The following LDLRAD4 variants were observed in gnomAD, a reference collection of about 807,000 sequenced individuals.
The protein encoded by LDLRAD4 is low-density lipoprotein receptor class A domain-containing protein 4.
LDLRAD4 carries 5 observed loss-of-function variants against 17.0 expected under a neutral mutation model. The ratio of observed to expected loss-of-function variants is 0.29; its 90% CI spans 0.15 to 0.62. LDLRAD4 has a LOEUF of 0.62. Among genes scored for constraint, LDLRAD4 ranks in the 20% least tolerant of loss-of-function variants. LDLRAD4 has a pLI of 0.84. For synonymous variants in LDLRAD4, 168 were observed against 171.8 expected, an observed-to-expected ratio of 0.98 and a Z score of 0.17; for missense variants, 340 against 424.7, an observed-to-expected ratio of 0.80 and a Z score of 1.75.
At chr18:13,617,545 A>G (rs74429440) in intron 3 of LDLRAD4, among the ~76,000 whole-genome samples, 2,417 of 152,376 alleles carry the variant, frequency 0.016, 40 homozygotes, top group African/African-American at 0.038. Flanking sequence ...ATAAAAGTTT[A>G]TAGCATCTAT....
At chr18:13,515,047 A>G (rs1835510896) in intron 3 of LDLRAD4, 1 of 152,176 alleles carries the variant, frequency 6.6e-6, no homozygotes, top group Non-Finnish European at 1.5e-5. Flanking sequence ...CTTTGTGGAC[A>G]TTTTGCTATA....
intron 3 of LDLRAD4, among the ~76,000 whole-genome samples, chr18:13,544,821 G>A (rs1049161702): frequency 6.6e-6 from 1 of 151,048 alleles, no homozygotes; most frequent in Admixed American, 6.6e-5. Context: ...CTGCCGCCAG[G>A]AAAAAGGGTC....
intron 1 of LDLRAD4, among the ~76,000 whole-genome samples, chr18:13,249,563 C>T (rs1244434361): frequency 2.0e-5 from 3 of 151,328 alleles, no homozygotes; most frequent in Non-Finnish European, 2.9e-5. Context: ...GAGAAATGTC[C>T]GCACTCAAAT....
chr18:13,416,080 C>T lies in LDLRAD4; in HGVS notation c.41-22164C>T, dbSNP rs544576237. On this transcript the variant is annotated intron_variant, in intron 2 of 5. Coordinates refer to ENST00000359446, the Ensembl canonical transcript of LDLRAD4. ...CTGACCAGACCTTCCATGAAGAGAT[C>T]GGGCTGGCGGGGACACTGGAGTCCT... Among the ~76,000 whole-genome samples the T allele has an allele frequency of 3.3e-5, 5 of 152,320 alleles. No individual in the cohort carries two copies. The East Asian group carries it at 7.7e-4, about 24-fold the overall frequency.
At chr18:13,289,539 C>T (rs997316127) in intron 1 of LDLRAD4, among the ~76,000 whole-genome samples, 2 of 152,126 alleles carry the variant, frequency 1.3e-5, no homozygotes, top group Non-Finnish European at 2.9e-5. Flanking sequence ...ACAAAAACAC[C>T]GACTCCATCT....
chr18:13,244,495 A>G (rs535004248), intron 1 of LDLRAD4, among the ~76,000 whole-genome samples: 3 of 152,352 alleles, frequency 2.0e-5, no homozygotes, highest in African/African-American at 7.2e-5. Context: ...ACATAAATAT[A>G]AAATGTTAGG....
At chr18:13,297,432 A>C (rs933209172) in intron 1 of LDLRAD4, among the ~76,000 whole-genome samples, 4 of 152,106 alleles carry the variant, frequency 2.6e-5, no homozygotes, top group Admixed American at 2.6e-4. Context: ...CTGGAAGGGG[A>C]GCGCCTGTTC....
chr18:13,423,540 C>G (rs1020091004), intron 2 of LDLRAD4: 2 of 152,402 alleles, frequency 1.3e-5, no homozygotes, highest in Non-Finnish European at 2.9e-5. Flanking sequence ...ACATTTCTCA[C>G]TGTGCTGTGT....
At chr18:13,371,995 C>T (rs921582654) in intron 1 of LDLRAD4, among the ~76,000 whole-genome samples, 23 of 152,176 alleles carry the variant, frequency 1.5e-4, no homozygotes, top group African/African-American at 5.1e-4. Context: ...TGTCTAGAGA[C>T]ACTCAAGCCA....
chr18:13,491,819 T>C (rs1201543389), intron 3 of LDLRAD4, among the ~76,000 whole-genome samples: 1 of 152,042 alleles, frequency 6.6e-6, no homozygotes, highest in African/African-American at 2.4e-5. Context: ...CAGGTGACAG[T>C]GTTTGGGTCT....
At chr18:13,312,467 G>A (rs1393610947) in intron 1 of LDLRAD4, among the ~76,000 whole-genome samples, 2 of 152,078 alleles carry the variant, frequency 1.3e-5, no homozygotes, top group Non-Finnish European at 2.9e-5. Context: ...ACAAGTTGAG[G>A]GCCAGGCGCA....
chr18:13,417,610 T>G (rs1313228899), intron 2 of LDLRAD4, among the ~76,000 whole-genome samples: 2 of 152,026 alleles, frequency 1.3e-5, no homozygotes, highest in East Asian at 3.9e-4. Flanking sequence ...TTTTTTTGTA[T>G]TTTTTAGTAG....
At chr18:13,352,533 T>C (rs1386282386) in intron 1 of LDLRAD4, among the ~76,000 whole-genome samples, 1 of 152,230 alleles carries the variant, frequency 6.6e-6, no homozygotes, top group African/African-American at 2.4e-5. Flanking sequence ...AGATTCGGTC[T>C]TTTGACAGTT....
intron 3 of LDLRAD4, among the ~76,000 whole-genome samples, chr18:13,605,957 C>T (rs914483235): frequency 6.6e-6 from 1 of 152,122 alleles, no homozygotes; most frequent in African/African-American, 2.4e-5. Flanking sequence ...CAGGTCTGGG[C>T]GGGGCTCAAG....
chr18:13,510,541 C>T (rs557305673), intron 3 of LDLRAD4, among the ~76,000 whole-genome samples: 19 of 144,728 alleles, frequency 1.3e-4, no homozygotes, highest in African/African-American at 4.7e-4. Context: ...TGGGAGGGGG[C>T]GAGGGGTAAA....
intron 2 of LDLRAD4, among the ~76,000 whole-genome samples, chr18:13,418,330 G>A (rs576388110): frequency 6.6e-6 from 1 of 152,370 alleles, no homozygotes; most frequent in South Asian, 2.1e-4. Context: ...AGCCTCTCAT[G>A]GTTCCAGGGA....
intron 3 of LDLRAD4, chr18:13,620,910 C>T: frequency 1.5e-6 from 1 of 659,430 alleles, no homozygotes; most frequent in Non-Finnish European, 2.6e-6. Context: ...TTCCCGCTCC[C>T]CGCAGCTGGT....
exon 6 of LDLRAD4, chr18:13,648,653 A>G (rs974867408): frequency 8.5e-5 from 13 of 152,188 alleles, no homozygotes; most frequent in Admixed American, 1.3e-4. Flanking sequence ...TATAGAACCC[A>G]TGGGTCCAGT....
At chr18:13,455,082 G>A (rs1472428363) in intron 3 of LDLRAD4, among the ~76,000 whole-genome samples, 1 of 152,190 alleles carries the variant, frequency 6.6e-6, no homozygotes, top group Non-Finnish European at 1.5e-5. Flanking sequence ...ACCTGTATGT[G>A]CAGGAGCTGG....
Sources: allele counts gnomAD v4.1 joint callset (sites outside exome capture counted in the v4.1 genomes callset), GRCh38; gene constraint gnomAD v4.1.1; transcripts MANE v1.5; gene names NCBI Gene and HGNC (gene_info 2026-07-23, HGNC 2026-07-21).